Variants in ART4 observed in about 807,000 individuals in gnomAD.
ART4 encodes the protein ADP-ribosyltransferase 4 (inactive) (Dombrock blood group).
A neutral mutation model predicts 24.2 loss-of-function variants in ART4; 14 were observed. That is an observed-to-expected ratio of 0.58 (90% CI 0.38 to 0.90). ART4 has a LOEUF of 0.90. ART4 is among the 40% of genes least tolerant of loss of function. The pLI, the probability that ART4 is intolerant of heterozygous loss-of-function variation, is 0.00. For missense variants in ART4, 356 were observed against 366.6 expected, an observed-to-expected ratio of 0.97 and a Z score of 0.24; for synonymous variants, 145 against 139.9, an observed-to-expected ratio of 1.04 and a Z score of -0.26.
chr12:14,827,994 C>G lies in ART4; in HGVS notation c.*1377G>C, dbSNP rs1489014622. The G allele has an allele frequency of 1.3e-5, 2 of 152,164 alleles. No individual in the cohort carries two copies. Among genetic ancestry groups the G allele is most frequent in the African/African-American group, 2.4e-5 (1 of 41,428 alleles). 9.4% of individuals were successfully genotyped at this position (152,164 alleles called of 1,614,324 possible). Reference sequence around the variant, plus strand: ...ACTTTCAAAATCCAAAATTATAGAGCTAGCCCTCATCTTTACTCCATTTAG... The same window carrying G: ...ACTTTCAAAATCCAAAATTATAGAGGTAGCCCTCATCTTTACTCCATTTAG... On this transcript the variant is annotated 3_prime_UTR_variant, in exon 3 of 3. Coordinates refer to ENST00000228936, the MANE Select transcript of ART4 (RefSeq NM_021071.4).
rs1225994497 is a variant in ART4 at position 14,843,333 on chromosome 12, A to T, written c.-220T>A. 2 of 504,612 alleles carry T rather than the reference A, an allele frequency of 4.0e-6. No individual in the cohort carries two copies. Among genetic ancestry groups the T allele is most frequent in the East Asian group, 7.2e-5 (2 of 27,770 alleles). The allele number at this position is 504,612 out of a possible 1,614,324, so 31.3% of individuals were successfully genotyped here. ...AAACTGAAATCTCTGTGAAATAGCC[A>T]GATGCGCACACCAAATAAGGGTTTC... On this transcript the variant is annotated 5_prime_UTR_variant, in exon 1 of 3. Coordinates refer to ENST00000228936, the MANE Select transcript of ART4 (RefSeq NM_021071.4).
At chr12:14,842,025 G>A (rs1284216169) in intron 1 of ART4, among the ~76,000 whole-genome samples, 2 of 152,198 alleles carry the variant, frequency 1.3e-5, no homozygotes, top group Non-Finnish European at 2.9e-5. Flanking sequence ...ATGTGCCTAG[G>A]AAAGTCCCTC....
rs1950359824 is a variant in ART4 at position 14,826,355 on chromosome 12, T to C, written c.*3016A>G. 1 of 152,234 alleles carries C rather than the reference T, an allele frequency of 6.6e-6. No individual in the cohort carries two copies. Among genetic ancestry groups the C allele is most frequent in the Admixed American group, 6.5e-5 (1 of 15,280 alleles). 9.4% of individuals were successfully genotyped at this position (152,234 alleles called of 1,614,324 possible). Reference sequence around the variant, plus strand: ...GGAGTTAGAACTAAGTTATCTTTTTTAGAAACTTGGCTATTCCCTTAAGGA... The same window carrying C: ...GGAGTTAGAACTAAGTTATCTTTTTCAGAAACTTGGCTATTCCCTTAAGGA... On this transcript the variant is annotated 3_prime_UTR_variant, in exon 3 of 3. Coordinates refer to ENST00000228936, the MANE Select transcript of ART4 (RefSeq NM_021071.4).
intron 2 of ART4, among the ~76,000 whole-genome samples, chr12:14,832,147 A>G (rs1950400930): frequency 6.6e-6 from 1 of 151,962 alleles, no homozygotes; most frequent in Non-Finnish European, 1.5e-5. Flanking sequence ...TTCTGCCCAA[A>G]ACCTCTCAGT....
chr12:14,832,244 G>A (rs934685108), intron 2 of ART4, among the ~76,000 whole-genome samples: 2 of 152,216 alleles, frequency 1.3e-5, no homozygotes, highest in South Asian at 2.1e-4. Flanking sequence ...TTCTGTCTTC[G>A]CTTTCTATTA....
In ART4 at chr12:14,829,341, T is replaced by C; in HGVS notation, c.*30A>G. 7.1e-7 allele frequency: 1 copy of C among 1,403,212 alleles called. No homozygotes were observed. The allele number at this position is 1,403,212 out of a possible 1,614,324, so 86.9% of individuals were successfully genotyped here. A position where few individuals can be genotyped will look rare whatever the true frequency, so the allele number is the denominator to read the frequency against. On this transcript the variant is annotated 3_prime_UTR_variant, in exon 3 of 3. Coordinates refer to ENST00000228936, the MANE Select transcript of ART4 (RefSeq NM_021071.4). ...TAAAAAAGATTTTATTTAAATATTTTTTTTAAATAAAAGGAGCCACAAGAT... is the reference window on the plus strand; with the variant it reads ...TAAAAAAGATTTTATTTAAATATTTCTTTTAAATAAAAGGAGCCACAAGAT...
In ART4 at chr12:14,826,811, C is replaced by T. The variant is rs1410186868; in HGVS notation, c.*2560G>A. ...ATAGAAAGCTTTATCTAACCATAGGCCAGAGGAATCACATTTTTCTCTCAG... is the reference window on the plus strand; with the variant it reads ...ATAGAAAGCTTTATCTAACCATAGGTCAGAGGAATCACATTTTTCTCTCAG... On this transcript the variant is annotated 3_prime_UTR_variant, in exon 3 of 3. Coordinates refer to ENST00000228936, the MANE Select transcript of ART4 (RefSeq NM_021071.4). 1.3e-5 allele frequency: 2 copies of T among 152,112 alleles called. No individual in the cohort carries two copies. The highest frequency in any genetic ancestry group is 1.3e-4 in the Admixed American group (2 of 15,276). The allele number at this position is 152,112 out of a possible 1,614,324, so 9.4% of individuals were successfully genotyped here.
At chr12:14,831,457 G>C (rs977799653) in intron 2 of ART4, among the ~76,000 whole-genome samples, 2 of 151,644 alleles carry the variant, frequency 1.3e-5, no homozygotes, top group East Asian at 1.9e-4. Context: ...TAGAGACGGG[G>C]TTTTACCACA....
chr12:14,841,679 C>A (rs1242356347), intron 1 of ART4, among the ~76,000 whole-genome samples: 2 of 152,138 alleles, frequency 1.3e-5, no homozygotes, highest in African/African-American at 4.8e-5. Context: ...ATAAAAATAG[C>A]AAAATATGAA....
At chr12:14,837,477 C>T (rs989604166) in intron 2 of ART4, among the ~76,000 whole-genome samples, 8 of 152,104 alleles carry the variant, frequency 5.3e-5, no homozygotes, top group African/African-American at 1.9e-4. Context: ...CACTAATTTA[C>T]CATTATTATA....
In ART4 at chr12:14,828,933, T is replaced by C. The variant is rs1266479386; in HGVS notation, c.*438A>G. On this transcript the variant is annotated 3_prime_UTR_variant, in exon 3 of 3. Coordinates refer to ENST00000228936, the MANE Select transcript of ART4 (RefSeq NM_021071.4). ...AGCTCCTACCCTGCTTTCATTAATA[T>C]CCATTCAGAAAAGAAGCTCCCATTC... 3 of 152,954 alleles carry C rather than the reference T, an allele frequency of 2.0e-5. No individual in the cohort carries two copies. Among genetic ancestry groups the C allele is most frequent in the Admixed American group, 6.5e-5 (1 of 15,298 alleles). 9.5% of individuals were successfully genotyped at this position (152,954 alleles called of 1,614,324 possible).
intron 2 of ART4, 64 bp downstream of exon 2, chr12:14,840,381 A>C (rs775178256): frequency 1.0e-5 from 14 of 1,400,054 alleles, no homozygotes; most frequent in Middle Eastern, 2.5e-4. Flanking sequence ...ACTGAGAAAA[A>C]ATAACTTTTA....
intron 2 of ART4, among the ~76,000 whole-genome samples, chr12:14,838,828 T>C (rs1015808784): frequency 1.3e-5 from 2 of 151,950 alleles, no homozygotes; most frequent in African/African-American, 4.8e-5. Flanking sequence ...AATTTGGGGA[T>C]ATATTGAAGG....
chr12:14,842,834 A>G, intron 1 of ART4, 136 bp downstream of exon 1: 3 of 1,134,592 alleles, frequency 2.6e-6, no homozygotes, highest in Non-Finnish European at 3.6e-6. Context: ...CTCTTTACTA[A>G]CATGATTTGT....
chr12:14,838,510 T>G (rs1950444896), intron 2 of ART4, among the ~76,000 whole-genome samples: 1 of 152,194 alleles, frequency 6.6e-6, no homozygotes, highest in African/African-American at 2.4e-5. Flanking sequence ...ATTATCAAAA[T>G]CTCACTGTTT....
At chr12:14,832,270 C>T (rs11056197) in intron 2 of ART4, among the ~76,000 whole-genome samples, 23,901 of 152,156 alleles carry the variant, frequency 0.16, 2,517 homozygotes, top group South Asian at 0.33. Context: ...CTCTCATTCC[C>T]GTACACTGGC....
At position 14,841,068 on chromosome 12, in the gene ART4, A is replaced by C. The variant is rs766344506; in HGVS notation, c.230T>G (p.Leu77Arg). The change falls in exon 2 of 3, where the codon CTA (leucine) becomes CGA (arginine). Residue 77 changes from leucine (L) to arginine (R), a missense_variant. Leu to Arg is a moderately radical substitution (Grantham distance 102). Coordinates refer to ENST00000228936, the MANE Select transcript of ART4 (RefSeq NM_021071.4). Reference protein sequence around the residue: ...QGCSKQVMEKLTQGDYFTKDI... With the variant: ...QGCSKQVMEKRTQGDYFTKDI... ...TTTTGTGAAATAATCCCCTTGAGTTAGTTTCTCCATAACCTGTTTGCTACA... is the reference window on the plus strand; with the variant it reads ...TTTTGTGAAATAATCCCCTTGAGTTCGTTTCTCCATAACCTGTTTGCTACA... The C allele has an allele frequency of 5.0e-6, 8 of 1,614,196 alleles. No homozygotes were observed. In the East Asian group the frequency reaches 1.8e-4, roughly 36 times the overall value.
At chr12:14,838,855 G>T (rs1359352933) in intron 2 of ART4, among the ~76,000 whole-genome samples, 6 of 151,404 alleles carry the variant, frequency 4.0e-5, no homozygotes, top group Non-Finnish European at 8.8e-5. Flanking sequence ...CTGCAACTGG[G>T]TTCCAGCTGA....
intron 2 of ART4, among the ~76,000 whole-genome samples, chr12:14,831,203 C>G (rs1456017488): frequency 6.6e-6 from 1 of 151,884 alleles, no homozygotes; most frequent in African/African-American, 2.4e-5. Flanking sequence ...TTGATACTTA[C>G]TCTTCATTTT....
Sources: allele counts gnomAD v4.1 joint callset (sites outside exome capture counted in the v4.1 genomes callset), GRCh38; gene constraint gnomAD v4.1.1; transcripts MANE v1.5; gene names NCBI Gene and HGNC (gene_info 2026-07-23, HGNC 2026-07-21).